ACBD5: variants seen among roughly 807,000 people sequenced by gnomAD.
ACBD5 encodes the protein acyl-CoA-binding domain-containing protein 5.
A neutral mutation model predicts 71.8 loss-of-function variants in ACBD5; 40 were observed. The observed-to-expected ratio is 0.56, with a 90% CI of 0.43 to 0.72. The LOEUF (loss-of-function observed/expected upper bound fraction) is 0.72. Among genes scored for constraint, ACBD5 ranks in the 30% least tolerant of loss-of-function variants. The probability of loss-of-function intolerance (pLI) is 0.00; values close to 1 mark genes in which losing one functional copy is unlikely to be tolerated. For synonymous variants in ACBD5, 229 were observed against 218.6 expected, an observed-to-expected ratio of 1.05 and a Z score of -0.42; for missense variants, 559 against 644.5, an observed-to-expected ratio of 0.87 and a Z score of 1.44.
intron 4 of ACBD5, among the ~76,000 whole-genome samples, chr10:27,228,809 A>ATTTT (rs2063440561): frequency 2.7e-4 from 4 of 14,826 alleles, no homozygotes; most frequent in African/African-American, 3.5e-4. Flanking sequence ...ATATATATAT[A>ATTTT]TATATATTTT....
intron 12 of ACBD5, among the ~76,000 whole-genome samples, chr10:27,203,969 A>G (rs2060198399): frequency 6.6e-6 from 1 of 151,618 alleles, no homozygotes; most frequent in Admixed American, 6.6e-5. Flanking sequence ...CATAAAATTT[A>G]AAATGCATAT....
rs186394866 is a variant in ACBD5 at position 27,240,434 on chromosome 10, G to C, written c.66C>G (p.Ala22=). 81 of 1,614,086 alleles carry C rather than the reference G, an allele frequency of 5.0e-5. No homozygotes were observed. In the East Asian group the frequency reaches 1.3e-3, roughly 25 times the overall value. The part of the protein sequence containing the change: ...ESWCCCCLIP[A]DRPWDRGQHW... ...GTTGGCCCCGGTCCCAAGGTCTGTC[G>C]GCGGGAATCAGGCAGCAGCAGCACC... is the stretch of plus-strand genomic sequence containing the variant. The change falls in exon 2 of 13, where the codon GCC becomes GCG. Residue 22 remains alanine, a synonymous_variant. Transcript: ENST00000396271. The surrounding 1 kb of genome is among the most constrained non-coding windows in gnomAD (Gnocchi z 4.1).
intron 13 of ACBD5, chr10:27,186,453 C>T: frequency 6.2e-7 from 1 of 1,613,822 alleles, no homozygotes; most frequent in Non-Finnish European, 8.5e-7. Flanking sequence ...TTTCATCCCC[C>T]AGCCAGATGA....
downstream of ACBD5, among the ~76,000 whole-genome samples, chr10:27,193,174 T>C (rs1470286143): frequency 1.7e-3 from 221 of 132,868 alleles, no homozygotes; most frequent in African/African-American, 6.0e-3. Context: ...TGTGTGTGTC[T>C]TGCTCTGTTT....
At chr10:27,216,601 G>A (rs952064981) in intron 7 of ACBD5, among the ~76,000 whole-genome samples, 4 of 152,086 alleles carry the variant, frequency 2.6e-5, no homozygotes, top group Non-Finnish European at 5.9e-5. Context: ...AAATTCATCA[G>A]CCTTATATTA....
intron 13 of ACBD5, chr10:27,186,296 A>G (rs1210418534): frequency 6.7e-6 from 9 of 1,341,212 alleles, no homozygotes; most frequent in Non-Finnish European, 6.4e-6. Flanking sequence ...TATGTGAGAC[A>G]TTCTCTTTTT....
At chr10:27,204,135 T>C in intron 12 of ACBD5, among the ~76,000 whole-genome samples, 1 of 51,664 alleles carries the variant, frequency 1.9e-5, no homozygotes, top group South Asian at 7.0e-4. Context: ...CGGGACCCAG[T>C]CTCAAAAAAA....
chr10:27,190,228 T>C (rs1227081549), downstream of ACBD5, among the ~76,000 whole-genome samples: 2 of 152,154 alleles, frequency 1.3e-5, no homozygotes, highest in Non-Finnish European at 2.9e-5. Context: ...GAGGTTACAG[T>C]GAGCCAAAAT....
chr10:27,226,880 C>T (rs2063113204), intron 4 of ACBD5, among the ~76,000 whole-genome samples: 1 of 151,886 alleles, frequency 6.6e-6, no homozygotes, highest in Non-Finnish European at 1.5e-5. Context: ...TGTGGAACTC[C>T]TGACCTCAAG....
chr10:27,224,641 G>A (rs1393334521), intron 4 of ACBD5, among the ~76,000 whole-genome samples: 1 of 152,176 alleles, frequency 6.6e-6, no homozygotes, highest in South Asian at 2.1e-4. Context: ...ATTGGTGACT[G>A]ATCAAAGAAA....
downstream of ACBD5, among the ~76,000 whole-genome samples, chr10:27,194,589 G>A (rs1353553016): frequency 6.8e-6 from 1 of 147,380 alleles, no homozygotes; most frequent in Non-Finnish European, 1.5e-5. Flanking sequence ...TCCAGCCTGG[G>A]CGGCAGAGCA....
rs1188516311 is a variant in ACBD5 at position 27,186,417 on chromosome 10, G to A, written c.1494-3702C>T. On this transcript the variant is annotated intron_variant, in intron 13 of 13. Transcript: ENST00000676511. ...TCCTCTCTTCAGTGATGTGGACTGG[G>A]AAAATCTGCAGCATCAGACTATGCC... is the stretch of plus-strand genomic sequence containing the variant. 7 of 1,613,936 alleles carry A rather than the reference G, an allele frequency of 4.3e-6. No individual in the cohort carries two copies. The highest frequency in any genetic ancestry group is 5.1e-6 in the Non-Finnish European group (6 of 1,180,022).
chr10:27,208,444 T>G lies in ACBD5; in HGVS notation c.1206A>C (p.Gly402=). Residue 402 remains glycine, a splice_region_variant and synonymous_variant, in exon 10 of 13, where the codon GGA becomes GGC. Transcript: ENST00000396271. ...CTTCGCTCAAGTGTTGCATCCTATG[T>G]CCTATTTTAAGAGGCAAAAATAAGC... ...DEFSNVRRGR[G]HRMQHLSEGT... is the part of the protein sequence containing the mutation. The G allele has an allele frequency of 1.2e-6, 2 of 1,613,624 alleles. No individual in the cohort carries two copies. The highest frequency in any genetic ancestry group is 1.7e-6 in the Non-Finnish European group (2 of 1,180,022).
At chr10:27,198,173 G>A (rs766496733) in intron 12 of ACBD5, among the ~76,000 whole-genome samples, 2 of 152,168 alleles carry the variant, frequency 1.3e-5, no homozygotes, top group African/African-American at 2.4e-5. Context: ...TCCAGGCTCT[G>A]TGCCAGGCCC....
intron 3 of ACBD5, among the ~76,000 whole-genome samples, chr10:27,234,695 G>A (rs1031634512): frequency 1.3e-5 from 2 of 152,224 alleles, no homozygotes. Flanking sequence ...ACTTCGGGAG[G>A]CCGAGGTGGG....
chr10:27,223,549 T>G (rs1297201219), intron 4 of ACBD5, 97 bp from the exon 5 acceptor site: 1 of 908,878 alleles, frequency 1.1e-6, no homozygotes, highest in Non-Finnish European at 1.8e-6. Flanking sequence ...GTCAATAATT[T>G]TAATATTTGA....
chr10:27,203,000 G>T (rs190785937), intron 12 of ACBD5, among the ~76,000 whole-genome samples: 1,320 of 97,208 alleles, frequency 0.014, 9 homozygotes, highest in Non-Finnish European at 0.018. Flanking sequence ...TTTTGAGACA[G>T]TCTCACTCTG....
intron 4 of ACBD5, among the ~76,000 whole-genome samples, chr10:27,227,544 AAGAAACTGGC>A (rs1391478890): frequency 6.6e-6 from 1 of 152,080 alleles, no homozygotes; most frequent in African/African-American, 2.4e-5. Flanking sequence ...CACTCACTTT[AAGAAACTGGC>A]ATTTGTTTTT....
At chr10:27,210,297 G>T (rs2060926445) in intron 9 of ACBD5, among the ~76,000 whole-genome samples, 1 of 152,190 alleles carries the variant, frequency 6.6e-6, no homozygotes, top group Non-Finnish European at 1.5e-5. Context: ...CATTGTTGGG[G>T]ATTAAAAGGG....
Sources: allele counts gnomAD v4.1 joint callset (sites outside exome capture counted in the v4.1 genomes callset), GRCh38; gene constraint gnomAD v4.1.1; non-coding constraint Gnocchi (gnomAD v3.1); transcripts MANE v1.5; gene names NCBI Gene and HGNC (gene_info 2026-07-23, HGNC 2026-07-21).